POLH: variants seen among roughly 807,000 people sequenced by gnomAD.
POLH encodes DNA polymerase eta transcript.
A neutral mutation model predicts 73.6 loss-of-function variants in POLH; 53 were observed. The observed-to-expected ratio is 0.72, with a 90% CI of 0.58 to 0.91. POLH has a LOEUF of 0.91. POLH is among the 40% of genes least tolerant of loss of function. The pLI is 0.00. For missense variants in POLH, 768 were observed against 865.4 expected (o/e 0.89, Z 1.41); for synonymous variants, 292 against 308.5 (o/e 0.95, Z 0.56).
In POLH at chr6:43,614,617, T is replaced by C; in HGVS notation, c.*60T>C. 7.3e-7 allele frequency: 1 copy of C among 1,367,088 alleles called. No homozygotes were observed. Among genetic ancestry groups the C allele is most frequent in the Admixed American group, 1.9e-5 (1 of 51,450 alleles). 84.7% of individuals were successfully genotyped at this position (1,367,088 alleles called of 1,614,324 possible). A position where few individuals can be genotyped will look rare whatever the true frequency, so the allele number is the denominator to read the frequency against. On this transcript the variant is annotated 3_prime_UTR_variant, in exon 11 of 11. Coordinates refer to ENST00000372236, the MANE Select transcript of POLH (RefSeq NM_006502.3). ...TTTTTATCTTTACAGATCTTTATCTTTAATATTTTATCTTTACAGATTTCC... is the reference window on the plus strand; with the variant it reads ...TTTTTATCTTTACAGATCTTTATCTCTAATATTTTATCTTTACAGATTTCC...
At chr6:43,589,171 A>G (rs1278270098) in intron 4 of POLH, among the ~76,000 whole-genome samples, 14 of 152,028 alleles carry the variant, frequency 9.2e-5, no homozygotes, top group Admixed American at 8.5e-4. Context: ...TTCAGTAATG[A>G]CCTTAGAGAT....
chr6:43,581,833 G>A (rs1414766910), intron 1 of POLH, among the ~76,000 whole-genome samples: 1 of 151,084 alleles, frequency 6.6e-6, no homozygotes, highest in Non-Finnish European at 1.5e-5. Flanking sequence ...GGCCGGACGG[G>A]CTCCCTAAGC....
Position 43,619,863 on chromosome 6 carries a change from T to C in POLH, c.*5306T>C, listed in dbSNP as rs1186753745. ...ACATTTTATAAAACAGCCTGAGTGG[T>C]AGGGAAGCTATCACTTTAATACTCT... is the stretch of plus-strand genomic sequence containing the variant. On this transcript the variant is annotated 3_prime_UTR_variant, in exon 11 of 11. Coordinates refer to ENST00000372236, the MANE Select transcript of POLH (RefSeq NM_006502.3). Among the ~76,000 whole-genome samples the C allele has an allele frequency of 6.6e-6, 1 of 152,148 alleles. No homozygotes were observed. The highest frequency in any genetic ancestry group is 1.5e-5 in the Non-Finnish European group (1 of 68,016).
Position 43,614,344 on chromosome 6 carries a change from G to T in POLH, c.1929G>T (p.Pro643=). The T allele has an allele frequency of 6.2e-7, 1 of 1,609,550 alleles. No homozygotes were observed. The highest frequency in any genetic ancestry group is 8.5e-7 in the Non-Finnish European group (1 of 1,176,270). The change falls in exon 11 of 11, where the codon CCG becomes CCT. Residue 643 remains proline (P), a synonymous_variant. Transcript: ENST00000372236. The part of the protein sequence containing the change: ...VPCEKCGSLV[P]VWDMPEHMDY... ...GTGAGAAGTGTGGCTCCCTGGTACC[G>T]GTATGGGATATGCCAGAACACATGG...
At chr6:43,608,804 G>C (rs754691000) in intron 9 of POLH, among the ~76,000 whole-genome samples, 2 of 152,174 alleles carry the variant, frequency 1.3e-5, no homozygotes, top group Admixed American at 6.5e-5. Flanking sequence ...TCACTTCACT[G>C]TTTAAAACAT....
rs121908565 is a variant in POLH at position 43,614,181 on chromosome 6, A to C, written c.1766A>C (p.Lys589Thr). ...GTGTCGAAGCTAGAAGAATCCTCTAAAGCAACTCCTGCAGAGATGGATTTG... is the reference window on the plus strand; with the variant it reads ...GTGTCGAAGCTAGAAGAATCCTCTACAGCAACTCCTGCAGAGATGGATTTG... The part of the protein sequence containing the change: ...EGVSKLEESS[K>T]ATPAEMDLAH... The change falls in exon 11 of 11, where the codon AAA becomes ACA. Residue 589 changes from lysine to threonine, a missense_variant. Lys to Thr is a moderately conservative substitution (Grantham distance 78). Transcript: ENST00000372236. 7.4e-5 allele frequency: 120 copies of C among 1,613,902 alleles called. No homozygotes were observed. The East Asian group carries it at 2.5e-3, about 34-fold the overall frequency.
At chr6:43,585,637 C>CTTTTTTTTTTTTTTTTTTTTTTTTTTTTT (rs1208848737) in intron 3 of POLH, among the ~76,000 whole-genome samples, 2 of 107,410 alleles carry the variant, frequency 1.9e-5, no homozygotes, top group African/African-American at 1.1e-4. Flanking sequence ...TCTTTCTTTT[C>CTTTTTTTTTTTTTTTTTTTTTTTTTTTTT]TTTTTTTTTT....
intron 4 of POLH, among the ~76,000 whole-genome samples, chr6:43,590,437 A>G (rs1765327584): frequency 6.6e-6 from 1 of 151,094 alleles, no homozygotes; most frequent in South Asian, 2.1e-4. Flanking sequence ...AAGAATTTGC[A>G]TAAGAATGAG....
chr6:43,604,057 T>G, intron 7 of POLH, 46 bp downstream of exon 7: 1 of 1,451,758 alleles, frequency 6.9e-7, no homozygotes, highest in East Asian at 2.3e-5. Flanking sequence ...ATGGAGATGC[T>G]ATATTCAAAT....
chr6:43,604,365 C>T (rs1196324412), intron 7 of POLH, among the ~76,000 whole-genome samples: 4 of 152,158 alleles, frequency 2.6e-5, no homozygotes, highest in Admixed American at 2.0e-4. Context: ...GCTTGCTTGG[C>T]ATTTTTCCAA....
At chr6:43,610,418 T>A in intron 9 of POLH, 136 bp from the exon 10 acceptor site, 1 of 734,744 alleles carries the variant, frequency 1.4e-6, no homozygotes, top group South Asian at 1.5e-5. Flanking sequence ...AGTTTACCTT[T>A]ATTCTTGACT....
intron 5 of POLH, 31 bp downstream of exon 5, chr6:43,597,896 A>T: frequency 6.4e-7 from 1 of 1,551,246 alleles, no homozygotes; most frequent in Non-Finnish European, 8.9e-7. Flanking sequence ...TCAAAGAGAA[A>T]CATTGATATC....
At chr6:43,595,033 A>G (rs892678678) in intron 4 of POLH, among the ~76,000 whole-genome samples, 1 of 152,140 alleles carries the variant, frequency 6.6e-6, no homozygotes, top group African/African-American at 2.4e-5. Flanking sequence ...CCCCGTCTCT[A>G]CAAAAAATAC....
At chr6:43,598,103 G>A (rs561673278) in intron 5 of POLH, among the ~76,000 whole-genome samples, 32 of 151,456 alleles carry the variant, frequency 2.1e-4, no homozygotes, top group African/African-American at 7.8e-4. Flanking sequence ...TACTCAGGAG[G>A]CTGAGATGGG....
At position 43,617,269 on chromosome 6, in the gene POLH, C is replaced by T. The variant is rs1016843319; in HGVS notation, c.*2712C>T. Among the ~76,000 whole-genome samples, 1 of 152,158 alleles carries T rather than the reference C, an allele frequency of 6.6e-6. No homozygotes were observed. Among genetic ancestry groups the T allele is most frequent in the African/African-American group, 2.4e-5 (1 of 41,436 alleles). On this transcript the variant is annotated 3_prime_UTR_variant, in exon 11 of 11. Coordinates refer to ENST00000372236, the MANE Select transcript of POLH (RefSeq NM_006502.3). The stretch of plus-strand genomic sequence containing the variant: ...CAGCAGCCTCAGTATCACCAGGGAA[C>T]TTATTAGAAATAGTCTCAGCCTCAC...
intron 5 of POLH, among the ~76,000 whole-genome samples, chr6:43,598,503 C>T (rs866072368): frequency 2.0e-5 from 3 of 151,554 alleles, no homozygotes; most frequent in African/African-American, 4.9e-5. Context: ...GACATGGTGG[C>T]GTGCACCTGC....
At chr6:43,585,781 G>A (rs534223859) in intron 3 of POLH, among the ~76,000 whole-genome samples, 9 of 151,648 alleles carry the variant, frequency 5.9e-5, no homozygotes, top group Admixed American at 5.9e-4. Context: ...GAGTAGCTGG[G>A]ATTACAGTCA....
In POLH at chr6:43,617,400, C is replaced by T. The variant is rs775274609; in HGVS notation, c.*2843C>T. 4.7e-5 allele frequency among the ~76,000 whole-genome samples: 7 copies of T among 150,210 alleles called. No individual in the cohort carries two copies. The highest frequency in any genetic ancestry group is 2.6e-4 in the Admixed American group (4 of 15,108). On this transcript the variant is annotated 3_prime_UTR_variant, in exon 11 of 11. Transcript: ENST00000372236. ...CCACACTTTGGGAGGCCAAGGTGGG[C>T]GGATCACTTGAGGCTGGGAGTTTGA...
intron 1 of POLH, chr6:43,578,431 C>T: frequency 2.2e-6 from 1 of 444,930 alleles, no homozygotes; most frequent in Non-Finnish European, 4.5e-6. Flanking sequence ...AGGTCATACC[C>T]ATACCAATTA....
Sources: allele counts gnomAD v4.1 joint callset (sites outside exome capture counted in the v4.1 genomes callset), GRCh38; gene constraint gnomAD v4.1.1; transcripts MANE v1.5; gene names NCBI Gene and HGNC (gene_info 2026-07-23, HGNC 2026-07-21).